TEK: variants seen among roughly 807,000 people sequenced by gnomAD.
The protein encoded by TEK is angiopoietin-1 receptor.
TEK carries 43 observed loss-of-function variants against 131.8 expected under a neutral mutation model. The ratio of observed to expected loss-of-function variants is 0.33; its 90% CI spans 0.26 to 0.42. The LOEUF (loss-of-function observed/expected upper bound fraction) is 0.42. TEK is among the 10% of genes least tolerant of loss of function. The pLI is 1.00. For missense variants in TEK, 1,162 were observed against 1,384.4 expected, an observed-to-expected ratio of 0.84 and a Z score of 2.55; for synonymous variants, 580 against 491.6, an observed-to-expected ratio of 1.18 and a Z score of -2.38.
In TEK at chr9:27,192,511, C is replaced by G. The variant is rs1312140794; in HGVS notation, c.1512C>G (p.Leu504=). The G allele has an allele frequency of 2.5e-6, 4 of 1,613,850 alleles. No homozygotes were observed. Among genetic ancestry groups the G allele is most frequent in the Non-Finnish European group, 3.4e-6 (4 of 1,179,940 alleles). Residue 504 remains leucine, a synonymous_variant, in exon 11 of 23, where the codon CTC becomes CTG. Coordinates refer to ENST00000380036, the MANE Select transcript of TEK (RefSeq NM_000459.5). ...CAGTGACAAATGAGATTGTTACACT[C>G]AACTATTTGGAACCTCGGACAGAAT... The part of the protein sequence containing the change: ...HIQVTNEIVT[L]NYLEPRTEYE...
rs761730458 is a variant in TEK at position 27,218,743 on chromosome 9, C to CTGAT, written c.3063-31_3063-28dup. 2.2e-5 allele frequency: 35 copies of CTGAT among 1,613,268 alleles called. No homozygotes were observed. In the East Asian group the frequency reaches 7.1e-4, roughly 33 times the overall value. ...GGAAAATGAGCGGTGACTCTGTTTG[C>CTGAT]TGATTGTTGGTTTCACACTTGTCCC... On this transcript the variant is annotated intron_variant, in intron 19 of 22. Transcript: ENST00000380036.
At chr9:27,172,783 T>TA (rs1279766910) in intron 5 of TEK, 36 bp downstream of exon 5, 5 of 1,611,754 alleles carry the variant, frequency 3.1e-6, no homozygotes, top group Non-Finnish European at 1.7e-6. Context: ...GCTGTGGATT[T>TA]AAAAAGCCAT....
chr9:27,176,669 C>T (rs753631661), intron 6 of TEK, among the ~76,000 whole-genome samples: 27 of 152,226 alleles, frequency 1.8e-4, no homozygotes, highest in Admixed American at 3.9e-4. Flanking sequence ...TCCATCACCT[C>T]ACACAGTTAT....
chr9:27,142,208 A>G (rs531942291), intron 1 of TEK, among the ~76,000 whole-genome samples: 1 of 152,348 alleles, frequency 6.6e-6, no homozygotes, highest in South Asian at 2.1e-4. Flanking sequence ...TAGCAGTGAA[A>G]GAGTTGTTGA....
chr9:27,150,314 G>A (rs1823077150), intron 1 of TEK, among the ~76,000 whole-genome samples: 1 of 152,148 alleles, frequency 6.6e-6, no homozygotes, highest in South Asian at 2.1e-4. Flanking sequence ...CTGTTATAAA[G>A]TGTAAGGCTT....
At chr9:27,132,784 G>A (rs938162109) in intron 1 of TEK, among the ~76,000 whole-genome samples, 1 of 152,118 alleles carries the variant, frequency 6.6e-6, no homozygotes, top group African/African-American at 2.4e-5. Context: ...TAAATGTATG[G>A]TCACCAGAGT....
At chr9:27,218,924 C>G in intron 20 of TEK, 107 bp downstream of exon 20, 1 of 1,109,862 alleles carries the variant, frequency 9.0e-7, no homozygotes, top group Non-Finnish European at 1.4e-6. Flanking sequence ...GTATGTGGTT[C>G]TACCAGATGT....
chr9:27,144,584 C>T (rs540806293), intron 1 of TEK, among the ~76,000 whole-genome samples: 4 of 152,064 alleles, frequency 2.6e-5, no homozygotes, highest in Non-Finnish European at 4.4e-5. Flanking sequence ...GTTTATCTGT[C>T]GTTTGGAAGC....
intron 18 of TEK, among the ~76,000 whole-genome samples, chr9:27,215,807 A>G (rs1325973737): frequency 2.0e-5 from 3 of 152,156 alleles, no homozygotes; most frequent in African/African-American, 7.2e-5. Context: ...ATAAATGCAA[A>G]GAGCAAGGAA....
chr9:27,195,566 A>G, intron 11 of TEK: 2 of 447,558 alleles, frequency 4.5e-6, no homozygotes, highest in Non-Finnish European at 9.0e-6. Flanking sequence ...CTGAGAATGC[A>G]TGAATTAGAG....
intron 21 of TEK, among the ~76,000 whole-genome samples, chr9:27,223,890 GAACA>G (rs1378549544): frequency 6.6e-6 from 1 of 151,952 alleles, no homozygotes; most frequent in African/African-American, 2.4e-5. Context: ...AGAAGAGAGA[GAACA>G]ATCAAATAGA....
At chr9:27,210,601 G>C (rs1006778945) in intron 16 of TEK, 1 of 155,320 alleles carries the variant, frequency 6.4e-6, no homozygotes, top group Non-Finnish European at 1.4e-5. Flanking sequence ...GATAAGAAGA[G>C]AAATGGCCAG....
chr9:27,149,253 A>G (rs561565446), intron 1 of TEK, among the ~76,000 whole-genome samples: 1 of 152,186 alleles, frequency 6.6e-6, no homozygotes, highest in Non-Finnish European at 1.5e-5. Flanking sequence ...GTAGGTAGTA[A>G]TGGAACTTAT....
At position 27,180,156 on chromosome 9, in the gene TEK, A is replaced by T; in HGVS notation, c.902-84A>T. The T allele has an allele frequency of 2.5e-6, 4 of 1,590,228 alleles. No individual in the cohort carries two copies. The East Asian group carries it at 9.0e-5, about 36-fold the overall frequency. On this transcript the variant is annotated intron_variant, in intron 6 of 22. Coordinates refer to ENST00000380036, the MANE Select transcript of TEK (RefSeq NM_000459.5). Reference sequence around the variant, plus strand: ...AATCAGCAAAGTTGATGGCTTAGAGAGAAAAATAAAACTAAACACCTGCAG... The same window carrying T: ...AATCAGCAAAGTTGATGGCTTAGAGTGAAAAATAAAACTAAACACCTGCAG...
chr9:27,110,100 G>C (rs552303537), intron 1 of TEK, among the ~76,000 whole-genome samples: 2 of 150,708 alleles, frequency 1.3e-5, no homozygotes. Flanking sequence ...TGTTAAAAGG[G>C]AACAAAGATG....
At position 27,213,358 on chromosome 9, in the gene TEK, A is replaced by C. The variant is rs898756637; in HGVS notation, c.2878-126A>C. 8 of 697,060 alleles carry C rather than the reference A, an allele frequency of 1.1e-5. No homozygotes were observed. In the South Asian group the frequency reaches 1.3e-4, roughly 11 times the overall value. 43.2% of individuals were successfully genotyped at this position (697,060 alleles called of 1,614,324 possible). ...CCAGGGAATTTTGGAGGGGAACTTT[A>C]AGGGAACTGGATTGTGACTGTTTAA... is the stretch of plus-strand genomic sequence containing the variant. On this transcript the variant is annotated intron_variant, in intron 17 of 22. Transcript: ENST00000380036.
intron 9 of TEK, among the ~76,000 whole-genome samples, chr9:27,185,947 G>A (rs1057113790): frequency 1.3e-5 from 2 of 152,154 alleles, no homozygotes; most frequent in South Asian, 4.1e-4. Flanking sequence ...TAGGGTTATT[G>A]TGAAGCCTTG....
At chr9:27,228,495 A>G (rs1053865254) in intron 22 of TEK, among the ~76,000 whole-genome samples, 190 bp downstream of exon 22, 3 of 152,190 alleles carry the variant, frequency 2.0e-5, no homozygotes, top group Non-Finnish European at 2.9e-5. Context: ...TAAGATTTCT[A>G]TACAAGATAC....
chr9:27,150,404 C>T (rs898292071), intron 1 of TEK, among the ~76,000 whole-genome samples: 2 of 152,066 alleles, frequency 1.3e-5, no homozygotes, highest in African/African-American at 2.4e-5. Context: ...CCCAGAGGTT[C>T]GAGACCAGCC....
Sources: allele counts gnomAD v4.1 joint callset (sites outside exome capture counted in the v4.1 genomes callset), GRCh38; gene constraint gnomAD v4.1.1; transcripts MANE v1.5; gene names NCBI Gene and HGNC (gene_info 2026-07-23, HGNC 2026-07-21).